Variants in GADL1 observed in about 807,000 individuals in gnomAD.
The protein encoded by GADL1 is acidic amino acid decarboxylase GADL1.
Under a neutral mutation model 69.5 loss-of-function variants are expected in GADL1, and 71 were observed. The ratio of observed to expected loss-of-function variants is 1.02; its 90% CI spans 0.84 to 1.25. The LOEUF (loss-of-function observed/expected upper bound fraction) is 1.25. Among genes scored for constraint, GADL1 ranks in the 50% most tolerant of loss-of-function variants. The pLI is 0.00. For missense variants in GADL1, 737 were observed against 631.8 expected (o/e 1.17, Z -1.79); for synonymous variants, 254 against 214.4 (o/e 1.18, Z -1.62).
At chr3:30,832,105 G>T (rs776870374) in intron 11 of GADL1, among the ~76,000 whole-genome samples, 33 of 151,756 alleles carry the variant, frequency 2.2e-4, no homozygotes, top group Non-Finnish European at 3.1e-4. Flanking sequence ...AGGTACAAAA[G>T]AGATAGAAAA....
chr3:30,751,733 C>T (rs1264191887), intron 14 of GADL1, among the ~76,000 whole-genome samples: 1 of 152,160 alleles, frequency 6.6e-6, no homozygotes, highest in Non-Finnish European at 1.5e-5. Context: ...CACTGAGAAA[C>T]TGAACTAGAT....
chr3:30,854,905 A>T, intron 3 of GADL1, 116 bp from the exon 4 acceptor site: 1 of 616,052 alleles, frequency 1.6e-6, no homozygotes, highest in Non-Finnish European at 2.9e-6. Context: ...CAGAAGAGTT[A>T]TATATAACGT....
intron 1 of GADL1, among the ~76,000 whole-genome samples, chr3:30,878,464 T>C (rs1320761592): frequency 6.6e-6 from 1 of 151,968 alleles, no homozygotes; most frequent in East Asian, 1.9e-4. Flanking sequence ...GAAGTATCTC[T>C]GTAAATTATT....
chr3:30,834,938 A>G (rs945383852), intron 9 of GADL1, among the ~76,000 whole-genome samples: 11 of 152,134 alleles, frequency 7.2e-5, no homozygotes, highest in African/African-American at 2.7e-4. Context: ...TGTAAGAAAT[A>G]CAAAAGTCAG....
chr3:30,752,541 A>C (rs1695850272), intron 14 of GADL1, among the ~76,000 whole-genome samples: 1 of 152,156 alleles, frequency 6.6e-6, no homozygotes, highest in Non-Finnish European at 1.5e-5. Context: ...GCTTCTTTAA[A>C]TCACCATAAC....
rs1358040345 is a variant in GADL1, at chr3:30,842,819, GTT to G, written c.786+1389_786+1390del. Among the ~76,000 whole-genome samples the G allele has an allele frequency of 9.4e-5, 3 of 32,066 alleles. No individual in the cohort carries two copies. The East Asian group carries it at 3.7e-3, about 39-fold the overall frequency. The allele number at this position is 32,066 out of a possible 152,430, so 21.0% of individuals were successfully genotyped here. A position where few individuals can be genotyped will look rare whatever the true frequency, so the allele number is the denominator to read the frequency against. On this transcript the variant is annotated intron_variant, in intron 8 of 14. Transcript: ENST00000282538. ...AATAAAGTTCACTTGTCATTGGAAT[GTT>G]TAAAAAAAAAAAAAAAAAAAAAGTA... is the stretch of plus-strand genomic sequence containing the variant.
At chr3:30,772,348 G>A (rs28578499) in intron 14 of GADL1, among the ~76,000 whole-genome samples, 35,993 of 152,030 alleles carry the variant, frequency 0.24, 7,583 homozygotes, top group African/African-American at 0.56. Flanking sequence ...TGTTGGCATA[G>A]TGTACTTATT....
chr3:30,755,409 T>A (rs978936965), intron 14 of GADL1, among the ~76,000 whole-genome samples: 1 of 152,114 alleles, frequency 6.6e-6, no homozygotes, highest in African/African-American at 2.4e-5. Context: ...TCTAATAAGC[T>A]AAAAACTTCT....
intron 13 of GADL1, among the ~76,000 whole-genome samples, chr3:30,779,609 A>G (rs1283401602): frequency 1.3e-5 from 2 of 152,194 alleles, no homozygotes; most frequent in Non-Finnish European, 2.9e-5. Flanking sequence ...ACCTAATATA[A>G]TAGATTTATC....
At chr3:30,754,969 A>G (rs1043847618) in intron 14 of GADL1, among the ~76,000 whole-genome samples, 3 of 152,070 alleles carry the variant, frequency 2.0e-5, no homozygotes, top group Admixed American at 2.0e-4. Flanking sequence ...CTGAGGAAGC[A>G]GACCAAAACG....
intron 1 of GADL1, among the ~76,000 whole-genome samples, chr3:30,892,732 C>G (rs1004372049): frequency 6.6e-6 from 1 of 152,188 alleles, no homozygotes; most frequent in Non-Finnish European, 1.5e-5. Flanking sequence ...AACAAAACAG[C>G]AGGGTTAAGG....
chr3:30,882,234 C>G (rs950648334), intron 1 of GADL1, among the ~76,000 whole-genome samples: 1 of 151,762 alleles, frequency 6.6e-6, no homozygotes, highest in Non-Finnish European at 1.5e-5. Context: ...AGTATATTCA[C>G]ATTGTTTATT....
intron 8 of GADL1, among the ~76,000 whole-genome samples, chr3:30,839,529 G>GAAAAAAAAAAAAAAAAAATA: frequency 7.5e-6 from 1 of 133,806 alleles, no homozygotes; most frequent in African/African-American, 2.9e-5. Flanking sequence ...AAAAAAAAAG[G>GAAAAAAAAAAAAAAAAAATA]TTGGAAGACA....
chr3:30,745,314 G>A (rs1695686818), intron 14 of GADL1, among the ~76,000 whole-genome samples: 1 of 152,036 alleles, frequency 6.6e-6, no homozygotes, highest in African/African-American at 2.4e-5. Flanking sequence ...TCAAACTTAC[G>A]GTAATGAAGA....
intron 14 of GADL1, among the ~76,000 whole-genome samples, chr3:30,765,805 A>G (rs1253060176): frequency 2.6e-5 from 4 of 152,194 alleles, no homozygotes; most frequent in African/African-American, 9.7e-5. Flanking sequence ...GGGAATTGTA[A>G]TGCATCATCC....
At chr3:30,843,760 A>G (rs1357329920) in intron 8 of GADL1, among the ~76,000 whole-genome samples, 4 of 152,224 alleles carry the variant, frequency 2.6e-5, no homozygotes, top group Non-Finnish European at 4.4e-5. Context: ...GATTGGAAGC[A>G]ACCTGGGAGA....
rs114471394 is a variant in GADL1 at position 30,840,039 on chromosome 3, A to G, written c.787-926T>C. Among the ~76,000 whole-genome samples, 1,246 of 151,808 alleles carry G rather than the reference A, an allele frequency of 8.2e-3. 27 individuals are homozygous for G. Among genetic ancestry groups the G allele is most frequent in the African/African-American group, 0.028 (1,170 of 41,528 alleles). On this transcript the variant is annotated intron_variant, in intron 8 of 14. Transcript: ENST00000282538. ...AAATGTGGGGGTGAGGGGAGCAAGT[A>G]GAATATTAAGATTCTAGAGCACCTG...
intron 13 of GADL1, among the ~76,000 whole-genome samples, chr3:30,785,101 A>G (rs1462696167): frequency 6.6e-6 from 1 of 152,114 alleles, no homozygotes; most frequent in Non-Finnish European, 1.5e-5. Flanking sequence ...TCCCCATTTC[A>G]GCATTCTACA....
chr3:30,794,038 G>C (rs1302060467), intron 12 of GADL1, among the ~76,000 whole-genome samples: 1 of 152,114 alleles, frequency 6.6e-6, no homozygotes, highest in Non-Finnish European at 1.5e-5. Context: ...CCAATATAAA[G>C]ATAAAATGAA....
Sources: allele counts gnomAD v4.1 joint callset (sites outside exome capture counted in the v4.1 genomes callset), GRCh38; gene constraint gnomAD v4.1.1; transcripts MANE v1.5; gene names NCBI Gene and HGNC (gene_info 2026-07-23, HGNC 2026-07-21).